OSBP2: variants seen among roughly 807,000 people sequenced by gnomAD.
OSBP2 encodes oxysterol-binding protein 2.
A neutral mutation model predicts 96.0 loss-of-function variants in OSBP2; 66 were observed. The observed-to-expected ratio is 0.69, with a 90% CI of 0.56 to 0.84. OSBP2 has a LOEUF of 0.84. OSBP2 is among the 40% of genes least tolerant of loss of function. The probability of loss-of-function intolerance (pLI) is 0.00; values close to 1 mark genes in which losing one functional copy is unlikely to be tolerated. For synonymous variants in OSBP2, 525 were observed against 520.9 expected (o/e 1.01, Z -0.11); for missense variants, 1,038 against 1,222.7 (o/e 0.85, Z 2.25).
intron 2 of OSBP2, among the ~76,000 whole-genome samples, chr22:30,827,351 T>G (rs936122029): frequency 1.4e-5 from 2 of 148,074 alleles, no homozygotes; most frequent in Non-Finnish European, 3.0e-5. Flanking sequence ...TTGGTGTGAC[T>G]CACTGTGAAG....
chr22:30,838,389 A>G (rs1041044923), intron 2 of OSBP2, among the ~76,000 whole-genome samples: 1 of 152,244 alleles, frequency 6.6e-6, no homozygotes, highest in Non-Finnish European at 1.5e-5. Flanking sequence ...TTGGAAAAAT[A>G]TAGGAAAATA....
At chr22:30,750,825 A>G (rs1337434175) in intron 2 of OSBP2, among the ~76,000 whole-genome samples, 3 of 152,012 alleles carry the variant, frequency 2.0e-5, no homozygotes. Flanking sequence ...GCTTACTGCA[A>G]CCTCTGCCTC....
At chr22:30,880,965 A>T (rs1295963707) in intron 3 of OSBP2, among the ~76,000 whole-genome samples, 1 of 152,078 alleles carries the variant, frequency 6.6e-6, no homozygotes, top group Non-Finnish European at 1.5e-5. Flanking sequence ...CTCAGTAGGG[A>T]GAGTCCCTGG....
chr22:30,753,863 C>T (rs1412107075), intron 2 of OSBP2, among the ~76,000 whole-genome samples: 1 of 152,210 alleles, frequency 6.6e-6, no homozygotes, highest in Non-Finnish European at 1.5e-5. Context: ...CAAGCATGTC[C>T]TGTAGAATGC....
At chr22:30,872,539 GT>G in intron 3 of OSBP2, 1 of 366,616 alleles carries the variant, frequency 2.7e-6, no homozygotes, top group South Asian at 2.0e-5. Context: ...ACCCCCTGGG[GT>G]TGGTCACGAT....
rs536825154 is a variant in OSBP2, at chr22:30,823,213, G to A, written c.854-47216G>A. Among the ~76,000 whole-genome samples, 6 of 152,284 alleles carry A rather than the reference G, an allele frequency of 3.9e-5. 1 individual carries two copies. In the East Asian group the frequency reaches 1.2e-3, roughly 29 times the overall value. ...GAGCAACCCTCCCTCCCCGTCCCGT[G>A]GTGATCCTGAATGACTGCCCTGGCC... On this transcript the variant is annotated intron_variant, in intron 2 of 13. Transcript: ENST00000332585.
intron 1 of OSBP2, among the ~76,000 whole-genome samples, chr22:30,717,090 T>TTG (rs35377469): frequency 0.24 from 27,837 of 117,996 alleles, 3,116 homozygotes; most frequent in Non-Finnish European, 0.29. Flanking sequence ...TTTACTGTTT[T>TTG]TGTGTGTGTG....
intron 2 of OSBP2, among the ~76,000 whole-genome samples, chr22:30,751,686 T>C (rs1403734321): frequency 1.3e-5 from 2 of 152,148 alleles, no homozygotes; most frequent in African/African-American, 4.8e-5. Flanking sequence ...TTTGACTCTT[T>C]TCGTTGACAC....
chr22:30,881,612 C>A lies in OSBP2; in HGVS notation c.1108-5814C>A. The A allele has an allele frequency of 7.8e-7, 1 of 1,283,100 alleles. No homozygotes were observed. The highest frequency in any genetic ancestry group is 1.0e-6 in the Non-Finnish European group (1 of 973,722). The allele number at this position is 1,283,100 out of a possible 1,614,324, so 79.5% of individuals were successfully genotyped here. ...CTCCCTGGGCCCCTGGGAACCTCCC[C>A]CTGCCAGTCCCTCTGCCGGGCCCCA... On this transcript the variant is annotated intron_variant, in intron 3 of 13. Transcript: ENST00000332585. This position sits in a 1 kb window ranked among gnomAD's most constrained non-coding sequence, Gnocchi z 4.5.
intron 2 of OSBP2, among the ~76,000 whole-genome samples, chr22:30,759,609 A>T (rs1161940472): frequency 2.0e-5 from 3 of 152,236 alleles, no homozygotes; most frequent in Non-Finnish European, 4.4e-5. Context: ...GACAACTTGG[A>T]TGAAATGAAC....
At chr22:30,767,069 A>ATT (rs136334) in intron 2 of OSBP2, among the ~76,000 whole-genome samples, 5,994 of 130,762 alleles carry the variant, frequency 0.046, 478 homozygotes, top group African/African-American at 0.16. Flanking sequence ...ATGGGATTTA[A>ATT]TTTTTTTTTT....
chr22:30,759,087 CA>C (rs1396160938), intron 2 of OSBP2, among the ~76,000 whole-genome samples: 1 of 152,170 alleles, frequency 6.6e-6, no homozygotes, highest in East Asian at 1.9e-4. Flanking sequence ...GGGCCGGGCG[CA>C]GTGTAACCTG....
At chr22:30,861,619 G>A (rs566271248) in intron 2 of OSBP2, among the ~76,000 whole-genome samples, 2 of 152,312 alleles carry the variant, frequency 1.3e-5, no homozygotes, top group South Asian at 2.1e-4. Flanking sequence ...CAGGTTGAAC[G>A]TCTCGGAGTC....
intron 12 of OSBP2, among the ~76,000 whole-genome samples, chr22:30,899,929 G>A (rs2040160196): frequency 6.6e-6 from 1 of 152,186 alleles, no homozygotes; most frequent in African/African-American, 2.4e-5. Flanking sequence ...AAAGCCAGTT[G>A]CATTTCAGCA....
intron 3 of OSBP2, among the ~76,000 whole-genome samples, chr22:30,873,231 C>T (rs776528188): frequency 2.0e-5 from 3 of 152,126 alleles, no homozygotes; most frequent in Non-Finnish European, 4.4e-5. Context: ...AAGTGATGGC[C>T]CTCATTCTCT....
rs371610293 is a variant in OSBP2, at chr22:30,893,649, C to T, written c.2106C>T (p.Ile702=). The change falls in exon 11 of 14, where the codon ATC becomes ATT. Residue 702 remains isoleucine, a synonymous_variant. Transcript: ENST00000332585. The stretch of plus-strand genomic sequence containing the variant: ...CCCTCCTTCGCCAGTCAGGGGACAT[C>T]GAGATTGTGAACCATAAGACCAATG... ...GKLWIDQSGD[I]EIVNHKTNDR... 490 of 1,614,180 alleles carry T rather than the reference C, an allele frequency of 3.0e-4. 2 individuals are homozygous for T. The highest frequency in any genetic ancestry group is 1.6e-3 in the Middle Eastern group (10 of 6,062).
intron 2 of OSBP2, among the ~76,000 whole-genome samples, chr22:30,774,273 G>A (rs771313133): frequency 6.6e-5 from 10 of 152,322 alleles, no homozygotes; most frequent in Non-Finnish European, 1.3e-4. Flanking sequence ...CATCCACTGC[G>A]GGGACAAATG....
At position 30,893,028 on chromosome 22, in the gene OSBP2, G is replaced by GC; in HGVS notation, c.1870-93dup. The GC allele has an allele frequency of 3.3e-6, 5 of 1,511,522 alleles. No individual in the cohort carries two copies. In the South Asian group the frequency reaches 5.9e-5, roughly 18 times the overall value. The allele number at this position is 1,511,522 out of a possible 1,614,324, so 93.6% of individuals were successfully genotyped here. ...CTCCTATGGCCACAGAGCTGTGCCTGCTGAGGCAGGGCAAGCTGTCCCTCC... is the reference window on the plus strand; with the variant it reads ...CTCCTATGGCCACAGAGCTGTGCCTGCCTGAGGCAGGGCAAGCTGTCCCTCC... On this transcript the variant is annotated intron_variant, in intron 8 of 13. Coordinates refer to ENST00000332585, the MANE Select transcript of OSBP2 (RefSeq NM_030758.4).
intron 2 of OSBP2, among the ~76,000 whole-genome samples, chr22:30,811,089 T>C (rs2090999368): frequency 6.6e-6 from 1 of 152,058 alleles, no homozygotes; most frequent in Non-Finnish European, 1.5e-5. Context: ...CCTAGAGATA[T>C]ACTCACCAAT....
Sources: gnomAD v4.1 joint callset for allele counts (sites outside exome capture counted in the v4.1 genomes callset) on GRCh38, gnomAD v4.1.1 for gene constraint, Gnocchi (gnomAD v3.1) non-coding constraint, MANE v1.5 for transcripts, NCBI Gene and HGNC (gene_info 2026-07-23, HGNC 2026-07-21) for gene names.